The following SLC24A2 variants were observed in gnomAD, a reference collection of about 807,000 sequenced individuals.
The protein encoded by SLC24A2 is sodium/potassium/calcium exchanger 2.
Under a neutral mutation model 62.0 loss-of-function variants are expected in SLC24A2, and 36 were observed. The ratio of observed to expected loss-of-function variants is 0.58; its 90% CI spans 0.44 to 0.77. The LOEUF is 0.77. Ranked by LOEUF, SLC24A2 falls within the 30% of genes least tolerant of loss-of-function variation. SLC24A2 has a pLI of 0.00. For synonymous variants in SLC24A2, 358 were observed against 294.0 expected, an observed-to-expected ratio of 1.22 and a Z score of -2.23; for missense variants, 846 against 817.9, an observed-to-expected ratio of 1.03 and a Z score of -0.42.
chr9:19,864,714 G>C, the SLC24A2 span, among the ~76,000 whole-genome samples: 1 of 152,016 alleles, frequency 6.6e-6, no homozygotes, highest in African/African-American at 2.4e-5. Flanking sequence ...ACATATGACA[G>C]ATGAACAGCT....
At position 19,516,131 on chromosome 9, in the gene SLC24A2, G is replaced by A. The variant is rs760841284; in HGVS notation, c.*22C>T. ...TGTGGAGGGACCATTCATGCTGCTG[G>A]TGCAAGATATGGCTTTTCCTGCTAG... is the stretch of plus-strand genomic sequence containing the variant. On this transcript the variant is annotated 3_prime_UTR_variant, in exon 11 of 11. Coordinates refer to ENST00000341998, the MANE Select transcript of SLC24A2 (RefSeq NM_020344.4). The A allele has an allele frequency of 4.3e-6, 7 of 1,613,800 alleles. No homozygotes were observed. The highest frequency in any genetic ancestry group is 1.7e-5 in the Admixed American group (1 of 59,990).
intron 2 of SLC24A2, among the ~76,000 whole-genome samples, chr9:19,753,189 A>G (rs1822036802): frequency 1.3e-5 from 2 of 152,328 alleles, no homozygotes; most frequent in Middle Eastern, 3.4e-3. Flanking sequence ...CCTCCAACTC[A>G]GCAGGCAGGG....
In SLC24A2 at chr9:19,522,962, G is replaced by A. The variant is rs148329875; in HGVS notation, c.1570-1902C>T. ...ACTAAACAACTGTTACTGTCGGCAAGTTCCAATCTGTTTAAAACATTCTTA... is the reference window on the plus strand; with the variant it reads ...ACTAAACAACTGTTACTGTCGGCAAATTCCAATCTGTTTAAAACATTCTTA... On this transcript the variant is annotated intron_variant, in intron 9 of 10. Transcript: ENST00000341998. 2.7e-4 allele frequency among the ~76,000 whole-genome samples: 41 copies of A among 152,320 alleles called. No individual in the cohort carries two copies. In the East Asian group the frequency reaches 7.9e-3, roughly 29 times the overall value.
rs1401849049 is a variant in SLC24A2 at position 19,729,972 on chromosome 9, AG to A, written c.930+55964del. 3.3e-5 allele frequency among the ~76,000 whole-genome samples: 5 copies of A among 152,170 alleles called. No individual in the cohort carries two copies. The East Asian group carries it at 9.6e-4, about 29-fold the overall frequency. ...TTATTATATGGATCTAAACATCACT[AG>A]GTACCCTATGAATATGTACCATTAT... On this transcript the variant is annotated intron_variant, in intron 2 of 10. Coordinates refer to ENST00000341998, the MANE Select transcript of SLC24A2 (RefSeq NM_020344.4).
chr9:20,086,266 C>G, the SLC24A2 span, among the ~76,000 whole-genome samples: 1 of 152,136 alleles, frequency 6.6e-6, no homozygotes, highest in Non-Finnish European at 1.5e-5. Context: ...CCCATCCTCC[C>G]CATTCTCCAC....
chr9:19,561,153 C>A (rs924312899), intron 7 of SLC24A2, among the ~76,000 whole-genome samples: 7 of 151,962 alleles, frequency 4.6e-5, no homozygotes, highest in Non-Finnish European at 7.4e-5. Context: ...TGGTCTTGAA[C>A]TCTTGACCTC....
chr9:19,878,448 T>A, the SLC24A2 span, among the ~76,000 whole-genome samples: 1 of 152,124 alleles, frequency 6.6e-6, no homozygotes, highest in Non-Finnish European at 1.5e-5. Flanking sequence ...ATAGAAATAA[T>A]TAAAAACAAA....
chr9:20,229,976 A>G, the SLC24A2 span, among the ~76,000 whole-genome samples: 1 of 149,184 alleles, frequency 6.7e-6, no homozygotes, highest in Admixed American at 6.8e-5. Flanking sequence ...GAGTGAGAAC[A>G]TGTGGTGTTT....
intron 2 of SLC24A2, among the ~76,000 whole-genome samples, chr9:19,770,893 C>G (rs1251317293): frequency 6.6e-6 from 1 of 152,154 alleles, no homozygotes; most frequent in East Asian, 1.9e-4. Flanking sequence ...TGTAACCCAA[C>G]TCTTAGACTT....
chr9:19,979,997 C>A, the SLC24A2 span, among the ~76,000 whole-genome samples: 7 of 152,298 alleles, frequency 4.6e-5, no homozygotes, highest in East Asian at 1.4e-3. Context: ...AATTTCTCAA[C>A]TGAAGGAACT....
chr9:19,529,723 T>A (rs1053957734), intron 8 of SLC24A2, among the ~76,000 whole-genome samples: 7 of 151,534 alleles, frequency 4.6e-5, no homozygotes, highest in African/African-American at 1.7e-4. Flanking sequence ...AAGGTAATCA[T>A]TTTTTTAAAG....
chr9:19,934,271 C>G, the SLC24A2 span, among the ~76,000 whole-genome samples: 980 of 152,296 alleles, frequency 6.4e-3, 11 homozygotes, highest in African/African-American at 0.022. This position sits in a 1 kb window ranked among gnomAD's most constrained non-coding sequence, Gnocchi z 4.1. Flanking sequence ...GGCCTCAAAG[C>G]AGGCCCATCA....
chr9:19,879,352 G>A, the SLC24A2 span, among the ~76,000 whole-genome samples: 3 of 152,094 alleles, frequency 2.0e-5, no homozygotes, highest in African/African-American at 4.8e-5. Context: ...AGTGCTGTAC[G>A]GGTGAATCAT....
chr9:19,771,899 G>C (rs1213474761), intron 2 of SLC24A2, among the ~76,000 whole-genome samples: 1 of 152,152 alleles, frequency 6.6e-6, no homozygotes, highest in East Asian at 1.9e-4. Flanking sequence ...GCATGGAATG[G>C]GAGGAGTTAC....
the SLC24A2 span, among the ~76,000 whole-genome samples, chr9:20,246,293 T>C: frequency 6.6e-6 from 1 of 152,216 alleles, no homozygotes; most frequent in African/African-American, 2.4e-5. Flanking sequence ...CATATGTACA[T>C]GAAATTTTGG....
the SLC24A2 span, among the ~76,000 whole-genome samples, chr9:19,866,936 G>A: frequency 2.1e-4 from 32 of 152,184 alleles, no homozygotes; most frequent in African/African-American, 7.7e-4. Flanking sequence ...GGGGTTGGAT[G>A]GGAGGTGGGG....
chr9:19,943,458 CT>C, the SLC24A2 span, among the ~76,000 whole-genome samples: 564 of 152,206 alleles, frequency 3.7e-3, 6 homozygotes, highest in African/African-American at 0.013. Context: ...TCTTAGGTCC[CT>C]TTTCATTAGT....
Position 19,636,308 on chromosome 9 carries a change from T to TTTCCTTTC in SLC24A2, c.931-14010_931-14009insGAAAGGAA, listed in dbSNP as rs1564009582. ...TCTCTTCTTTTCTTTTCTTTTCTTT[T>TTTCCTTTC]CTTTTCTTTTCTTTCTTTCTTTCTT... On this transcript the variant is annotated intron_variant, in intron 2 of 10. Transcript: ENST00000341998. Among the ~76,000 whole-genome samples the TTTCCTTTC allele has an allele frequency of 1.5e-3, 58 of 39,864 alleles. 1 individual carries two copies. Among genetic ancestry groups the TTTCCTTTC allele is most frequent in the African/African-American group, 5.7e-3 (54 of 9,414 alleles). The allele number at this position is 39,864 out of a possible 152,430, so 26.2% of individuals were successfully genotyped here.
the SLC24A2 span, among the ~76,000 whole-genome samples, chr9:20,270,689 G>C: frequency 2.6e-5 from 4 of 152,158 alleles, no homozygotes; most frequent in Non-Finnish European, 4.4e-5. Context: ...TATTTATTGA[G>C]TGCCTGCTAT....
Sources: gnomAD v4.1 joint callset for allele counts (sites outside exome capture counted in the v4.1 genomes callset) on GRCh38, gnomAD v4.1.1 for gene constraint, Gnocchi (gnomAD v3.1) non-coding constraint, MANE v1.5 for transcripts, NCBI Gene and HGNC (gene_info 2026-07-23, HGNC 2026-07-21) for gene names.